AKT3: variants seen among roughly 807,000 people sequenced by gnomAD.
The protein encoded by AKT3 is RAC-gamma serine/threonine-protein kinase.
In AKT3, 15 loss-of-function variants were observed where a neutral mutation model predicts 65.3. The ratio of observed to expected loss-of-function variants is 0.23; its 90% CI spans 0.15 to 0.35. The LOEUF (loss-of-function observed/expected upper bound fraction) is 0.35, where lower values mean the gene tolerates loss of function less well. AKT3 is among the 10% of genes least tolerant of loss of function. The probability of loss-of-function intolerance (pLI) is 1.00; values close to 1 mark genes in which losing one functional copy is unlikely to be tolerated. For missense variants in AKT3, 243 were observed against 576.5 expected, an observed-to-expected ratio of 0.42 and a Z score of 5.92; for synonymous variants, 206 against 183.8, an observed-to-expected ratio of 1.12 and a Z score of -0.98.
At chr1:243,544,724 G>C (rs12736901) in intron 12 of AKT3, among the ~76,000 whole-genome samples, 1 of 145,142 alleles carries the variant, frequency 6.9e-6, no homozygotes, top group Non-Finnish European at 1.5e-5. Context: ...TTTTTTAAGA[G>C]ATTGGGTCTC....
chr1:243,623,068 T>C (rs1163955217), intron 6 of AKT3, among the ~76,000 whole-genome samples: 3 of 152,202 alleles, frequency 2.0e-5, no homozygotes, highest in African/African-American at 7.2e-5. Flanking sequence ...TCTGAGCCTC[T>C]GAAATATTCT....
chr1:243,755,804 C>G (rs1689101592), intron 2 of AKT3, among the ~76,000 whole-genome samples: 1 of 152,168 alleles, frequency 6.6e-6, no homozygotes, highest in Non-Finnish European at 1.5e-5. Flanking sequence ...ACCTAAAGAT[C>G]AAAGCATAAG....
At chr1:243,561,675 C>T (rs1309090416) in intron 10 of AKT3, among the ~76,000 whole-genome samples, 1 of 152,152 alleles carries the variant, frequency 6.6e-6, no homozygotes, top group Non-Finnish European at 1.5e-5. Flanking sequence ...CAAATATTAA[C>T]ACCTCCCTAT....
At chr1:243,846,256 C>T (rs924908467) in intron 1 of AKT3, among the ~76,000 whole-genome samples, 2 of 152,092 alleles carry the variant, frequency 1.3e-5, no homozygotes, top group African/African-American at 4.8e-5. Flanking sequence ...CAGAAGCTTT[C>T]TAATATAGAT....
intron 2 of AKT3, among the ~76,000 whole-genome samples, chr1:243,764,195 G>A (rs1689669031): frequency 6.6e-6 from 1 of 152,026 alleles, no homozygotes; most frequent in Non-Finnish European, 1.5e-5. Context: ...CTACCAAGGT[G>A]TTAAGATACT....
chr1:243,562,675 C>T (rs1294905376), intron 10 of AKT3, among the ~76,000 whole-genome samples: 1 of 152,012 alleles, frequency 6.6e-6, no homozygotes, highest in Non-Finnish European at 1.5e-5. Flanking sequence ...GAGAGAAGGG[C>T]TACATGTAAG....
chr1:243,563,943 T>C, intron 9 of AKT3, 95 bp from the exon 10 acceptor site: 1 of 1,271,362 alleles, frequency 7.9e-7, no homozygotes, highest in South Asian at 1.6e-5. Context: ...GTAAGGTATT[T>C]TGGAAACAGG....
At chr1:243,842,243 A>G (rs1024227045) in intron 2 of AKT3, among the ~76,000 whole-genome samples, 3 of 152,212 alleles carry the variant, frequency 2.0e-5, no homozygotes, top group African/African-American at 7.2e-5. Context: ...TATTTACTAC[A>G]GACCTTCAAA....
intron 13 of AKT3, among the ~76,000 whole-genome samples, chr1:243,489,619 A>G (rs1299217661): frequency 6.6e-6 from 1 of 152,344 alleles, no homozygotes; most frequent in South Asian, 2.1e-4. Flanking sequence ...TACTGGGCTA[A>G]TATCTGGAGT....
At chr1:243,773,729 A>C (rs1367741169) in intron 2 of AKT3, among the ~76,000 whole-genome samples, 1 of 152,234 alleles carries the variant, frequency 6.6e-6, no homozygotes, top group Non-Finnish European at 1.5e-5. Context: ...AGACACCCAG[A>C]CACTAGCATA....
intron 13 of AKT3, among the ~76,000 whole-genome samples, chr1:243,492,911 T>A (rs2148290831): frequency 6.6e-6 from 1 of 152,230 alleles, no homozygotes; most frequent in Non-Finnish European, 1.5e-5. Flanking sequence ...GCCTCTTGGC[T>A]TGTTCTTAGT....
At chr1:243,686,673 T>A (rs1264945371) in intron 3 of AKT3, among the ~76,000 whole-genome samples, 6 of 66,818 alleles carry the variant, frequency 9.0e-5, no homozygotes, top group East Asian at 2.9e-4. Flanking sequence ...TTTTTTTTTT[T>A]TTTTTTTTTT....
intron 2 of AKT3, among the ~76,000 whole-genome samples, chr1:243,795,723 G>A (rs549290454): frequency 7.9e-5 from 12 of 151,598 alleles, no homozygotes; most frequent in African/African-American, 2.4e-5. Context: ...CACCCGCCTC[G>A]GCCTCCCAAA....
At chr1:243,568,865 G>A (rs1674360213) in intron 9 of AKT3, among the ~76,000 whole-genome samples, 1 of 152,208 alleles carries the variant, frequency 6.6e-6, no homozygotes, top group Non-Finnish European at 1.5e-5. Context: ...GTAGCACCCA[G>A]TCTGAGAAGC....
intron 8 of AKT3, among the ~76,000 whole-genome samples, chr1:243,604,028 T>G (rs754793474): frequency 6.6e-6 from 1 of 151,662 alleles, no homozygotes; most frequent in Admixed American, 6.6e-5. Flanking sequence ...CCCAAGTAGC[T>G]GGGATTACAG....
chr1:243,696,973 G>C (rs1685099838), intron 2 of AKT3, among the ~76,000 whole-genome samples: 1 of 151,688 alleles, frequency 6.6e-6, no homozygotes, highest in Admixed American at 6.6e-5. Flanking sequence ...TACTATAAAG[G>C]GCAATCTCAC....
Position 243,731,717 on chromosome 1 carries a change from G to A in AKT3, c.47-36001C>T, listed in dbSNP as rs78037520. 2.0e-5 allele frequency among the ~76,000 whole-genome samples: 3 copies of A among 152,322 alleles called. No homozygotes were observed. The East Asian group carries it at 5.8e-4, about 29-fold the overall frequency. On this transcript the variant is annotated intron_variant, in intron 2 of 13. Transcript: ENST00000673466. ...TGCCTCTTTTTAGAGTCAAAAGTCA[G>A]TAAGCTCAAGTCAGTAAGCTCTGGG...
chr1:243,570,875 G>T (rs1240464108), intron 9 of AKT3, among the ~76,000 whole-genome samples: 1 of 152,142 alleles, frequency 6.6e-6, no homozygotes, highest in East Asian at 1.9e-4. Flanking sequence ...CCACTTAATT[G>T]TCTAGTAAAC....
chr1:243,747,426 T>C (rs750377525), intron 2 of AKT3, among the ~76,000 whole-genome samples: 15 of 152,116 alleles, frequency 9.9e-5, no homozygotes, highest in Admixed American at 5.2e-4. Context: ...TATTATAGAG[T>C]GTAATTCTTA....
Sources: allele counts gnomAD v4.1 joint callset (sites outside exome capture counted in the v4.1 genomes callset), GRCh38; gene constraint gnomAD v4.1.1; transcripts MANE v1.5; gene names NCBI Gene and HGNC (gene_info 2026-07-23, HGNC 2026-07-21).